Variants in FNBP1L observed in about 807,000 individuals in gnomAD.
FNBP1L encodes the protein formin-binding protein 1-like.
Under a neutral mutation model 91.2 loss-of-function variants are expected in FNBP1L, and 36 were observed. The ratio of observed to expected loss-of-function variants is 0.39; its 90% CI spans 0.30 to 0.52. The LOEUF is 0.52. Among genes scored for constraint, FNBP1L ranks in the 20% least tolerant of loss-of-function variants. The probability of loss-of-function intolerance (pLI) is 0.66; values close to 1 mark genes in which losing one functional copy is unlikely to be tolerated. For synonymous variants in FNBP1L, 242 were observed against 237.0 expected (o/e 1.02, Z -0.19); for missense variants, 571 against 732.1 (o/e 0.78, Z 2.54).
chr1:93,521,845 G>T (rs145846128), intron 2 of FNBP1L, among the ~76,000 whole-genome samples: 7 of 152,178 alleles, frequency 4.6e-5, no homozygotes, highest in Non-Finnish European at 1.0e-4. Context: ...AAATTGTTGT[G>T]ATTCCATTCA....
chr1:93,530,726 GATA>G (rs767762548), intron 6 of FNBP1L, 26 bp from the exon 7 acceptor site: 24 of 1,585,820 alleles, frequency 1.5e-5, no homozygotes, highest in East Asian at 2.3e-5. Flanking sequence ...TTTTGTTGTT[GATA>G]ATAATTTCGA....
chr1:93,529,214 T>G (rs951007220), intron 5 of FNBP1L, among the ~76,000 whole-genome samples: 10 of 152,190 alleles, frequency 6.6e-5, no homozygotes, highest in Admixed American at 3.9e-4. Flanking sequence ...TATAAAAAAA[T>G]TATAAAACAC....
At chr1:93,482,949 C>T (rs1277938010) in intron 1 of FNBP1L, among the ~76,000 whole-genome samples, 7 of 149,908 alleles carry the variant, frequency 4.7e-5, no homozygotes, top group Admixed American at 6.7e-5. Context: ...ACCCAGGAGG[C>T]GGAGCTTGCA....
rs868644549 is a variant in FNBP1L at position 93,522,102 on chromosome 1, G to T, written c.161G>T (p.Cys54Phe). 1.3e-6 allele frequency: 2 copies of T among 1,524,660 alleles called. No individual in the cohort carries two copies. The highest frequency in any genetic ancestry group is 1.8e-6 in the Non-Finnish European group (2 of 1,135,370). The allele number at this position is 1,524,660 out of a possible 1,614,324, so 94.4% of individuals were successfully genotyped here. A position where few individuals can be genotyped will look rare whatever the true frequency, so the allele number is the denominator to read the frequency against. ...TATAGAAATCTGGTTAAGAAGTACTGCCCCAAACGTTCATCCAAAGATGAA... is the reference window on the plus strand; with the variant it reads ...TATAGAAATCTGGTTAAGAAGTACTTCCCCAAACGTTCATCCAAAGATGAA... ...KQLRNLVKKY[C>F]PKRSSKDEEP... The change falls in exon 3 of 17, where the codon TGC becomes TTC. Residue 54 changes from cysteine to phenylalanine, a missense_variant. Physicochemically the swap from Cys to Phe is radical, Grantham distance 205. Coordinates refer to ENST00000271234, the MANE Select transcript of FNBP1L (RefSeq NM_001164473.3).
At chr1:93,514,661 T>A (rs534793862) in intron 2 of FNBP1L, among the ~76,000 whole-genome samples, 37 of 152,088 alleles carry the variant, frequency 2.4e-4, no homozygotes, top group Non-Finnish European at 3.2e-4. Flanking sequence ...AAAACAAGCA[T>A]TGGGGAAAGG....
At chr1:93,550,070 A>T (rs982715011) in intron 15 of FNBP1L, among the ~76,000 whole-genome samples, 11 of 152,366 alleles carry the variant, frequency 7.2e-5, no homozygotes, top group African/African-American at 2.4e-4. Context: ...GAACTGAGCG[A>T]CACTTTCATA....
chr1:93,496,686 G>T (rs1443463048), intron 1 of FNBP1L, among the ~76,000 whole-genome samples: 1 of 151,982 alleles, frequency 6.6e-6, no homozygotes, highest in Non-Finnish European at 1.5e-5. Context: ...TTACAGATGT[G>T]AGCCATCTAG....
chr1:93,464,871 T>C (rs1051771884), intron 1 of FNBP1L, among the ~76,000 whole-genome samples: 1 of 152,178 alleles, frequency 6.6e-6, no homozygotes, highest in Non-Finnish European at 1.5e-5. Context: ...GTATAACATG[T>C]GTTCCTCCAG....
intron 1 of FNBP1L, among the ~76,000 whole-genome samples, chr1:93,482,514 C>T (rs1266800324): frequency 6.6e-6 from 1 of 152,022 alleles, no homozygotes; most frequent in Non-Finnish European, 1.5e-5. Flanking sequence ...AAATAAGAAT[C>T]GTTCTTGAAA....
chr1:93,552,379 TG>T (rs1672441662), intron 16 of FNBP1L, 29 bp from the exon 17 acceptor site: 1 of 1,607,572 alleles, frequency 6.2e-7, no homozygotes, highest in African/African-American at 1.3e-5. Context: ...CTTCAGTAAT[TG>T]TTCTTTTCTT....
chr1:93,510,509 A>C (rs1363025324), intron 2 of FNBP1L, among the ~76,000 whole-genome samples: 1 of 152,184 alleles, frequency 6.6e-6, no homozygotes. Context: ...AGATGGGGAA[A>C]AAACAGAGCA....
intron 1 of FNBP1L, among the ~76,000 whole-genome samples, chr1:93,479,885 A>T (rs1414694504): frequency 2.0e-5 from 3 of 152,168 alleles, no homozygotes; most frequent in African/African-American, 7.2e-5. Context: ...TCCTGAGGTG[A>T]CGTACATCCT....
intron 1 of FNBP1L, among the ~76,000 whole-genome samples, chr1:93,471,505 A>G (rs1669285229): frequency 6.6e-6 from 1 of 152,166 alleles, no homozygotes; most frequent in African/African-American, 2.4e-5. Context: ...TAGCCTAGGC[A>G]ACATTGCAAG....
rs1557816400 is a variant in FNBP1L at position 93,536,495 on chromosome 1, GT to G, written c.1149+8del. 6.5e-7 allele frequency: 1 copy of G among 1,545,514 alleles called. No homozygotes were observed. Among genetic ancestry groups the G allele is most frequent in the Admixed American group, 2.0e-5 (1 of 50,214 alleles). On this transcript the variant is annotated splice_donor_region_variant and intron_variant, in intron 10 of 16. Coordinates refer to ENST00000271234, the MANE Select transcript of FNBP1L (RefSeq NM_001164473.3). ...TTCAGAAGCCTCAAAAGAGGGGTAA[GT>G]TTAATAATGGGTTAAAATGCATGAT...
chr1:93,554,429 A>G lies in FNBP1L; in HGVS notation c.*2013A>G, dbSNP rs1304705847. 2 of 152,684 alleles carry G rather than the reference A, an allele frequency of 1.3e-5. No homozygotes were observed. The highest frequency in any genetic ancestry group is 4.8e-5 in the African/African-American group (2 of 41,466). The allele number at this position is 152,684 out of a possible 1,614,324, so 9.5% of individuals were successfully genotyped here. A position where few individuals can be genotyped will look rare whatever the true frequency, so the allele number is the denominator to read the frequency against. On this transcript the variant is annotated 3_prime_UTR_variant, in exon 17 of 17. Transcript: ENST00000271234. ...GGAGGCAAGTTCCTTGATGTGGAAT[A>G]GTGCAACCTGTATATGGGTTATTAT...
At chr1:93,536,306 G>T in intron 9 of FNBP1L, 26 bp from the exon 10 acceptor site, 1 of 1,418,084 alleles carries the variant, frequency 7.1e-7, no homozygotes, top group South Asian at 1.7e-5. Context: ...TTGGCTTATT[G>T]ATTCCTTTCT....
intron 2 of FNBP1L, among the ~76,000 whole-genome samples, chr1:93,520,666 G>C (rs923132057): frequency 6.6e-6 from 1 of 152,056 alleles, no homozygotes; most frequent in Non-Finnish European, 1.5e-5. Context: ...TCTCGTAACT[G>C]TATGGGGTAG....
At chr1:93,485,936 GA>G (rs1669880717) in intron 1 of FNBP1L, among the ~76,000 whole-genome samples, 1 of 152,214 alleles carries the variant, frequency 6.6e-6, no homozygotes, top group Non-Finnish European at 1.5e-5. Context: ...CTGACCTTGT[GA>G]TCTGCCTGCC....
Position 93,532,997 on chromosome 1 carries a change from A to G in FNBP1L, c.715A>G (p.Lys239Glu). Residue 239 changes from lysine to glutamate, a missense_variant, in exon 8 of 17, where the codon AAA (lysine) becomes GAA (glutamate). Lys to Glu is a moderately conservative substitution (Grantham distance 56, BLOSUM62 1). Transcript: ENST00000271234. ...CYRGFADSERKVIPIISKCLE... is the reference protein window; with the variant it reads ...CYRGFADSEREVIPIISKCLE... ...CAGAGGATTTGCTGACTCAGAACGC[A>G]AAGTTATTCCCATCATTTCAAAATG... 6.2e-7 allele frequency: 1 copy of G among 1,613,602 alleles called. No homozygotes were observed. Among genetic ancestry groups the G allele is most frequent in the Non-Finnish European group, 8.5e-7 (1 of 1,179,658 alleles).
Sources: gnomAD v4.1 joint callset for allele counts (sites outside exome capture counted in the v4.1 genomes callset) on GRCh38, gnomAD v4.1.1 for gene constraint, MANE v1.5 for transcripts, NCBI Gene and HGNC (gene_info 2026-07-23, HGNC 2026-07-21) for gene names.